The following NEK6 variants were observed in gnomAD, a reference collection of about 807,000 sequenced individuals.
The protein encoded by NEK6 is NIMA related kinase 6, also known as serine/threonine-protein kinase Nek6.
In NEK6, 27 loss-of-function variants were observed where a neutral mutation model predicts 43.5. That is an observed-to-expected ratio of 0.62 (90% confidence interval 0.46 to 0.86). The LOEUF is 0.86. NEK6 is among the 40% of genes least tolerant of loss of function. NEK6 has a pLI of 0.00. For missense variants in NEK6, 318 were observed against 414.4 expected, an observed-to-expected ratio of 0.77 and a Z score of 2.02; for synonymous variants, 167 against 164.1, an observed-to-expected ratio of 1.02 and a Z score of -0.14.
rs573072048 is a variant in NEK6, at chr9:124,307,558, G to A, written c.91-4951G>A. ...TGCCCACGGTGACAGGCAGCACAGC[G>A]AGTGGTGACACCGCAGGGTCAGCCT... On this transcript the variant is annotated intron_variant, in intron 2 of 9. Transcript: ENST00000320246. Among the ~76,000 whole-genome samples the A allele has an allele frequency of 3.3e-5, 5 of 152,320 alleles. No individual in the cohort carries two copies. The East Asian group carries it at 5.8e-4, about 18-fold the overall frequency.
chr9:124,278,821 C>G (rs1199129152), intron 1 of NEK6, among the ~76,000 whole-genome samples: 3 of 152,104 alleles, frequency 2.0e-5, no homozygotes, highest in Non-Finnish European at 4.4e-5. Flanking sequence ...CATCTGACTC[C>G]CCGCTCCCTT....
chr9:124,321,591 G>C (rs1834068861), intron 5 of NEK6, 22 bp downstream of exon 5: 1 of 1,456,682 alleles, frequency 6.9e-7, no homozygotes, highest in Non-Finnish European at 9.6e-7. Flanking sequence ...GCGGGGTGGG[G>C]GTGCTGGGGG....
chr9:124,326,586 C>T lies in NEK6; in HGVS notation c.514+148C>T, dbSNP rs547414017. The stretch of plus-strand genomic sequence containing the variant: ...AGGCAAGGGGGCTGCCCAGCAACCG[C>T]GCACACACACGCGCCCGGGTCAGGA... On this transcript the variant is annotated intron_variant, in intron 6 of 9. Transcript: ENST00000320246. This position sits in a 1 kb window ranked among gnomAD's most constrained non-coding sequence, Gnocchi z 4.5. The T allele has an allele frequency of 9.6e-5, 60 of 623,120 alleles. No homozygotes were observed. Among genetic ancestry groups the T allele is most frequent in the Admixed American group, 2.0e-4 (8 of 39,450 alleles). 38.6% of individuals were successfully genotyped at this position (623,120 alleles called of 1,614,324 possible).
chr9:124,347,049 G>A (rs773268473), intron 8 of NEK6, among the ~76,000 whole-genome samples: 7 of 152,204 alleles, frequency 4.6e-5, no homozygotes, highest in African/African-American at 7.2e-5. Context: ...TGGCTGTGGA[G>A]CCAGGCGCTT....
intron 7 of NEK6, among the ~76,000 whole-genome samples, chr9:124,338,413 G>A (rs1829399709): frequency 1.3e-5 from 2 of 152,224 alleles, no homozygotes; most frequent in South Asian, 4.1e-4. Flanking sequence ...TAAGGGGGTA[G>A]TTTGTCTCTT....
rs551056383 is a variant in NEK6, at chr9:124,339,892, C to T, written c.717+227C>T. 4.9e-5 allele frequency among the ~76,000 whole-genome samples: 5 copies of T among 101,898 alleles called. No homozygotes were observed. The South Asian group carries it at 1.7e-3, about 35-fold the overall frequency. The allele number at this position is 101,898 out of a possible 152,430, so 66.8% of individuals were successfully genotyped here. A position where few individuals can be genotyped will look rare whatever the true frequency, so the allele number is the denominator to read the frequency against. ...CTGTTAGAGGGTGGACAGCAGTGGG[C>T]GGGGTCCAGGAAGGGAAGACAGAGG... On this transcript the variant is annotated intron_variant, in intron 8 of 9. Coordinates refer to ENST00000320246, the MANE Select transcript of NEK6 (RefSeq NM_014397.6).
Position 124,324,991 on chromosome 9 carries a change from G to A in NEK6, c.406-1339G>A, listed in dbSNP as rs899509217. Reference sequence around the variant, plus strand: ...GGAGTTCGAGACCAGCCTGGCTAACGTGGTGAAACCCCATCTCTACTAAAA... The same window carrying A: ...GGAGTTCGAGACCAGCCTGGCTAACATGGTGAAACCCCATCTCTACTAAAA... On this transcript the variant is annotated intron_variant, in intron 5 of 9. Transcript: ENST00000320246. The surrounding 1 kb of genome is among the most constrained non-coding windows in gnomAD (Gnocchi z 5.3). Among the ~76,000 whole-genome samples the A allele has an allele frequency of 1.3e-5, 2 of 152,092 alleles. No homozygotes were observed. The highest frequency in any genetic ancestry group is 4.8e-5 in the African/African-American group (2 of 41,434).
rs1834224027 is a variant in NEK6, at chr9:124,324,293, T to C, written c.406-2037T>C. Reference sequence around the variant, plus strand: ...GCCTGCTCTCAGGCCACCTCTGGGTTTCCAGAGGAACAGGGGATACCCCAT... The same window carrying C: ...GCCTGCTCTCAGGCCACCTCTGGGTCTCCAGAGGAACAGGGGATACCCCAT... On this transcript the variant is annotated intron_variant, in intron 5 of 9. Transcript: ENST00000320246. This position sits in a 1 kb window ranked among gnomAD's most constrained non-coding sequence, Gnocchi z 5.3. Among the ~76,000 whole-genome samples, 2 of 152,200 alleles carry C rather than the reference T, an allele frequency of 1.3e-5. No individual in the cohort carries two copies. Among genetic ancestry groups the C allele is most frequent in the African/African-American group, 4.8e-5 (2 of 41,454 alleles).
chr9:124,269,720 G>A (rs1831354229), intron 1 of NEK6, among the ~76,000 whole-genome samples: 1 of 152,166 alleles, frequency 6.6e-6, no homozygotes, highest in Non-Finnish European at 1.5e-5. Context: ...GGAGTCGTGT[G>A]GAAGGGCCAC....
chr9:124,347,298 T>C (rs898628569), intron 8 of NEK6, among the ~76,000 whole-genome samples: 5 of 152,180 alleles, frequency 3.3e-5, no homozygotes, highest in Non-Finnish European at 7.3e-5. Context: ...TCTCTGAACA[T>C]GTGGGGCACA....
rs1239866229 is a variant in NEK6, at chr9:124,329,906, C to T, written c.622+2461C>T. Among the ~76,000 whole-genome samples the T allele has an allele frequency of 3.3e-5, 5 of 152,248 alleles. No individual in the cohort carries two copies. The South Asian group carries it at 6.2e-4, about 19-fold the overall frequency. ...CACAGGGGCCAGGGACACTTCACGC[C>T]CTGTGCGTGGGGATGAATTATGCAT... On this transcript the variant is annotated intron_variant, in intron 7 of 9. Coordinates refer to ENST00000320246, the MANE Select transcript of NEK6 (RefSeq NM_014397.6).
rs1322745604 is a variant in NEK6, at chr9:124,340,306, GGGCC to G, written c.717+642_717+645del. 3.3e-5 allele frequency among the ~76,000 whole-genome samples: 5 copies of G among 152,312 alleles called. No individual in the cohort carries two copies. In the East Asian group the frequency reaches 9.7e-4, roughly 29 times the overall value. On this transcript the variant is annotated intron_variant, in intron 8 of 9. Coordinates refer to ENST00000320246, the MANE Select transcript of NEK6 (RefSeq NM_014397.6). ...CCACCCATTTTGTCCAGCCACACTG[GGGCC>G]CCAGGTGATGAGAGGTGTGGGGAGC... is the stretch of plus-strand genomic sequence containing the variant.
At chr9:124,301,800 G>A in intron 1 of NEK6, 136 bp from the exon 2 acceptor site, 1 of 710,236 alleles carries the variant, frequency 1.4e-6, no homozygotes. Context: ...CCACTTCGGA[G>A]CTGGGTGACC....
At chr9:124,266,970 C>T (rs1047311946) in intron 1 of NEK6, among the ~76,000 whole-genome samples, 1 of 152,200 alleles carries the variant, frequency 6.6e-6, no homozygotes, top group Non-Finnish European at 1.5e-5. Flanking sequence ...GGCTCTCCTT[C>T]CTATGCCCCT....
rs1265413583 is a variant in NEK6 at position 124,343,768 on chromosome 9, T to TA, written c.718-3940dup. On this transcript the variant is annotated intron_variant, in intron 8 of 9. Coordinates refer to ENST00000320246, the MANE Select transcript of NEK6 (RefSeq NM_014397.6). This position sits in a 1 kb window ranked among gnomAD's most constrained non-coding sequence, Gnocchi z 5.1. ...AGCTGAGGATCCTGCACAGGGCACA[T>TA]ACCCAGGTCACCTGGGCCCTGGTGA... 7.2e-5 allele frequency among the ~76,000 whole-genome samples: 11 copies of TA among 152,242 alleles called. No individual in the cohort carries two copies. Among genetic ancestry groups the TA allele is most frequent in the African/African-American group, 2.6e-4 (11 of 41,548 alleles).
At chr9:124,290,545 G>T (rs1405464272) in intron 1 of NEK6, among the ~76,000 whole-genome samples, 2 of 152,268 alleles carry the variant, frequency 1.3e-5, no homozygotes, top group African/African-American at 4.8e-5. Flanking sequence ...ATGAGCTGCA[G>T]ATGGGGCACA....
chr9:124,344,326 C>T (rs1829805049), intron 8 of NEK6, among the ~76,000 whole-genome samples: 1 of 152,230 alleles, frequency 6.6e-6, no homozygotes, highest in South Asian at 2.1e-4. Flanking sequence ...TGGGGCCCAC[C>T]ATTGAGTCCC....
chr9:124,326,740 G>A lies in NEK6; in HGVS notation c.514+302G>A, dbSNP rs1232968178. Among the ~76,000 whole-genome samples, 1 of 152,202 alleles carries A rather than the reference G, an allele frequency of 6.6e-6. No homozygotes were observed. The highest frequency in any genetic ancestry group is 2.4e-5 in the African/African-American group (1 of 41,462). On this transcript the variant is annotated intron_variant, in intron 6 of 9. Coordinates refer to ENST00000320246, the MANE Select transcript of NEK6 (RefSeq NM_014397.6). This position sits in a 1 kb window ranked among gnomAD's most constrained non-coding sequence, Gnocchi z 4.5. ...CCTCGCACAGAGGGGACTTTCATGGGGGCTTTGCCGTCTCAGCGGGCTGGG... is the reference window on the plus strand; with the variant it reads ...CCTCGCACAGAGGGGACTTTCATGGAGGCTTTGCCGTCTCAGCGGGCTGGG...
chr9:124,348,946 C>T lies in NEK6; in HGVS notation c.831+1124C>T, dbSNP rs78604657. On this transcript the variant is annotated intron_variant, in intron 9 of 9. Coordinates refer to ENST00000320246, the MANE Select transcript of NEK6 (RefSeq NM_014397.6). Reference sequence around the variant, plus strand: ...CCCACATGCGCAGCCACGGAGCCATCGTGCTTCTTGATGGCATGTCTTTGG... The same window carrying T: ...CCCACATGCGCAGCCACGGAGCCATTGTGCTTCTTGATGGCATGTCTTTGG... Among the ~76,000 whole-genome samples, 692 of 152,360 alleles carry T rather than the reference C, an allele frequency of 4.5e-3. 3 individuals carry two copies. Among genetic ancestry groups the T allele is most frequent in the African/African-American group, 0.016 (661 of 41,580 alleles).
Sources: gnomAD v4.1 joint callset for allele counts (sites outside exome capture counted in the v4.1 genomes callset) on GRCh38, gnomAD v4.1.1 for gene constraint, Gnocchi (gnomAD v3.1) non-coding constraint, MANE v1.5 for transcripts, NCBI Gene and HGNC (gene_info 2026-07-23, HGNC 2026-07-21) for gene names.